Variants in IPPK observed in about 807,000 individuals in gnomAD.
IPPK encodes IPK1 homolog.
A neutral mutation model predicts 64.6 loss-of-function variants in IPPK; 22 were observed. The ratio of observed to expected loss-of-function variants is 0.34; its 90% CI spans 0.24 to 0.49. IPPK has a LOEUF of 0.49. IPPK is among the 20% of genes least tolerant of loss of function. The pLI, the probability that IPPK is intolerant of heterozygous loss-of-function variation, is 0.99. For missense variants in IPPK, 532 were observed against 630.7 expected (o/e 0.84, Z 1.68); for synonymous variants, 262 against 247.2 (o/e 1.06, Z -0.56).
chr9:92,657,341 T>A (rs1324144857), intron 2 of IPPK, among the ~76,000 whole-genome samples: 1 of 150,242 alleles, frequency 6.7e-6, no homozygotes, highest in Non-Finnish European at 1.5e-5. Context: ...AGGGCGAGAC[T>A]CTGTCTCAAA....
At chr9:92,617,464 C>G (rs934937756) in intron 12 of IPPK, 1 of 152,792 alleles carries the variant, frequency 6.5e-6, no homozygotes, top group Non-Finnish European at 1.5e-5. Flanking sequence ...CAGTGACCAG[C>G]GGGCACCAGC....
chr9:92,623,046 A>C (rs1369622595), intron 11 of IPPK, among the ~76,000 whole-genome samples: 1 of 152,200 alleles, frequency 6.6e-6, no homozygotes, highest in Non-Finnish European at 1.5e-5. Context: ...TATCTTCAGG[A>C]CCTTAAGGCA....
chr9:92,657,269 AAC>A (rs1056332419), intron 2 of IPPK, among the ~76,000 whole-genome samples: 11 of 152,070 alleles, frequency 7.2e-5, no homozygotes, highest in African/African-American at 2.4e-4. Context: ...GAATCACTTG[AAC>A]CTAGGAGGCA....
intron 7 of IPPK, among the ~76,000 whole-genome samples, chr9:92,641,364 G>C (rs1852043392): frequency 6.6e-6 from 1 of 152,134 alleles, no homozygotes; most frequent in Non-Finnish European, 1.5e-5. Flanking sequence ...TGCCAGTAGG[G>C]ACAGCCCACA....
intron 1 of IPPK, among the ~76,000 whole-genome samples, chr9:92,665,742 A>G (rs1281071255): frequency 6.6e-6 from 1 of 152,188 alleles, no homozygotes; most frequent in Non-Finnish European, 1.5e-5. Flanking sequence ...ACATCCTCAT[A>G]TAAAGGACTT....
rs1199855406 is a variant in IPPK, at chr9:92,649,541, C to A, written c.326G>T (p.Ser109Ile). Residue 109 changes from serine to isoleucine, a missense_variant, in exon 5 of 13, where the codon AGT becomes ATT. Transcript: ENST00000287996. The part of the protein sequence containing the change: ...SRCDKDLDTL[S>I]GYAMCLPNLT... ...ATTAGGAAGGCACATAGCGTAACCA[C>A]TGAGAGTATCCAGGTCCTTGTCACA... 6.2e-7 allele frequency: 1 copy of A among 1,614,134 alleles called. No homozygotes were observed. Among genetic ancestry groups the A allele is most frequent in the Non-Finnish European group, 8.5e-7 (1 of 1,180,016 alleles).
intron 1 of IPPK, among the ~76,000 whole-genome samples, chr9:92,661,959 G>GA (rs1404063886): frequency 3.9e-5 from 6 of 152,198 alleles, no homozygotes; most frequent in African/African-American, 1.4e-4. Context: ...GGAAACAGGT[G>GA]AAAAAACACT....
Position 92,669,985 on chromosome 9 carries a change from C to T in IPPK, c.4G>A (p.Glu2Lys), listed in dbSNP as rs751311122. The change falls in exon 1 of 13, where the codon GAA becomes AAA. Residue 2 changes from glutamate (E) to lysine (K), a missense_variant. By Grantham distance (56) the Glu-to-Lys change is moderately conservative. Coordinates refer to ENST00000287996, the MANE Select transcript of IPPK (RefSeq NM_022755.6). ...TCATTCTCGTCCATCTTCCCCTCTT[C>T]CATGCCCAGGCGCAGCCCTGGCGCC... Reference protein sequence around the residue: MEEGKMDENEWG... With the variant: MKEGKMDENEWG... The T allele has an allele frequency of 3.1e-6, 5 of 1,611,322 alleles. No homozygotes were observed. The highest frequency in any genetic ancestry group is 1.3e-5 in the African/African-American group (1 of 74,708).
chr9:92,667,019 C>T (rs1480728404), intron 1 of IPPK, among the ~76,000 whole-genome samples: 2 of 152,166 alleles, frequency 1.3e-5, no homozygotes, highest in Admixed American at 6.5e-5. Context: ...CCTAGGCCCT[C>T]GGCTCCTGCA....
chr9:92,621,398 A>G (rs1169760872), intron 11 of IPPK, among the ~76,000 whole-genome samples: 2 of 152,210 alleles, frequency 1.3e-5, no homozygotes, highest in African/African-American at 4.8e-5. Context: ...AAATTTCTAG[A>G]AAAATACAAC....
At chr9:92,638,703 C>A (rs891070830) in intron 8 of IPPK, among the ~76,000 whole-genome samples, 3 of 152,246 alleles carry the variant, frequency 2.0e-5, no homozygotes, top group African/African-American at 7.2e-5. Flanking sequence ...AGCACCAGCA[C>A]CACAAACGAG....
At chr9:92,623,210 G>A (rs1407429403) in intron 11 of IPPK, among the ~76,000 whole-genome samples, 4 of 152,026 alleles carry the variant, frequency 2.6e-5, no homozygotes, top group South Asian at 2.1e-4. Context: ...CGAGGCAAGC[G>A]GATCACAAGG....
intron 11 of IPPK, among the ~76,000 whole-genome samples, chr9:92,621,245 A>T (rs1851619131): frequency 6.6e-6 from 1 of 152,214 alleles, no homozygotes; most frequent in East Asian, 1.9e-4. Context: ...ACATTCAGAC[A>T]GTAGCAGAGA....
chr9:92,669,273 T>C (rs1852672938), intron 1 of IPPK, among the ~76,000 whole-genome samples: 1 of 152,132 alleles, frequency 6.6e-6, no homozygotes. Flanking sequence ...CGCTTCACTC[T>C]TGGGATTCAC....
At chr9:92,627,722 A>G (rs1293929160) in intron 11 of IPPK, among the ~76,000 whole-genome samples, 4 of 152,234 alleles carry the variant, frequency 2.6e-5, no homozygotes, top group Non-Finnish European at 5.9e-5. Context: ...AAAGGAATCT[A>G]CAAAAAACAA....
In IPPK at chr9:92,652,563, A is replaced by T; in HGVS notation, c.292+10T>A. ...ATTACAAACAATATCTGTAAGTTAA[A>T]CACCCTTACCTGGTCTTTCAGATTG... On this transcript the variant is annotated intron_variant, in intron 4 of 12. Transcript: ENST00000287996. 6.8e-7 allele frequency: 1 copy of T among 1,470,824 alleles called. No homozygotes were observed. Among genetic ancestry groups the T allele is most frequent in the Non-Finnish European group, 9.3e-7 (1 of 1,073,790 alleles). 91.1% of individuals were successfully genotyped at this position (1,470,824 alleles called of 1,614,324 possible). A position where few individuals can be genotyped will look rare whatever the true frequency, so the allele number is the denominator to read the frequency against.
chr9:92,655,199 C>T (rs544891061), intron 3 of IPPK, among the ~76,000 whole-genome samples: 3 of 152,204 alleles, frequency 2.0e-5, no homozygotes, highest in Non-Finnish European at 4.4e-5. Flanking sequence ...AGGGAAACTA[C>T]GCTTTGCCTA....
intron 1 of IPPK, among the ~76,000 whole-genome samples, chr9:92,665,440 G>T (rs1214644133): frequency 6.6e-6 from 1 of 152,198 alleles, no homozygotes; most frequent in African/African-American, 2.4e-5. Context: ...TTGTGTATAA[G>T]ATCTTTATTT....
chr9:92,638,989 G>A (rs1018646300), intron 8 of IPPK, among the ~76,000 whole-genome samples: 1 of 152,182 alleles, frequency 6.6e-6, no homozygotes, highest in African/African-American at 2.4e-5. Flanking sequence ...AAAGGCCCCT[G>A]ACAGCGGCCA....
Sources: allele counts gnomAD v4.1 joint callset (sites outside exome capture counted in the v4.1 genomes callset), GRCh38; gene constraint gnomAD v4.1.1; transcripts MANE v1.5; gene names NCBI Gene and HGNC (gene_info 2026-07-23, HGNC 2026-07-21).